Variants in CCDC141 observed in about 807,000 individuals in gnomAD.
CCDC141 encodes the protein coiled-coil domain containing 141, also known as coiled-coil domain-containing protein 141.
CCDC141 carries 168 observed loss-of-function variants against 181.0 expected under a neutral mutation model. The observed-to-expected ratio is 0.93, with a 90% confidence interval of 0.82 to 1.05. The LOEUF is 1.05. Among genes scored for constraint, CCDC141 ranks in the 50% least tolerant of loss-of-function variants. The pLI is 0.00. For missense variants in CCDC141, 1,902 were observed against 1,788.5 expected, an observed-to-expected ratio of 1.06 and a Z score of -1.14; for synonymous variants, 666 against 642.3, an observed-to-expected ratio of 1.04 and a Z score of -0.56.
chr2:179,034,923 T>C (rs1317785422), intron 2 of CCDC141, among the ~76,000 whole-genome samples: 1 of 152,224 alleles, frequency 6.6e-6, no homozygotes, highest in East Asian at 1.9e-4. Context: ...GATTTCCACG[T>C]AAATTGCAAA....
rs1001729151 is a variant in CCDC141, at chr2:179,049,690, TTAG to T, written c.102+147_102+149del. On this transcript the variant is annotated intron_variant, in intron 1 of 23. Transcript: ENST00000443758. ...CTGCTGAAACTTGTAGAGGTTTCTC[TTAG>T]TAGCCCATTTTAGAAAGCAGTAAGA... 107 of 710,316 alleles carry T rather than the reference TTAG, an allele frequency of 1.5e-4. No individual in the cohort carries two copies. The African/African-American group carries it at 1.8e-3, about 12-fold the overall frequency. 44.0% of individuals were successfully genotyped at this position (710,316 alleles called of 1,614,324 possible).
chr2:179,049,061 C>T (rs529182623), intron 1 of CCDC141, among the ~76,000 whole-genome samples: 1 of 152,102 alleles, frequency 6.6e-6, no homozygotes, highest in African/African-American at 2.4e-5. Flanking sequence ...CATCTAAAGC[C>T]CAAGCCTAGT....
chr2:178,827,209 C>G (rs563039755), downstream of CCDC141, among the ~76,000 whole-genome samples: 226 of 151,986 alleles, frequency 1.5e-3, 2 homozygotes, highest in Admixed American at 3.0e-3. Flanking sequence ...GGTCTGAAAA[C>G]CTGCTTTTGT....
chr2:178,911,550 T>C (rs1212599142), intron 7 of CCDC141, among the ~76,000 whole-genome samples: 2 of 152,226 alleles, frequency 1.3e-5, no homozygotes. Context: ...ACTCCAACTG[T>C]ATCCCAAAAA....
intron 2 of CCDC141, among the ~76,000 whole-genome samples, chr2:179,025,448 T>C (rs1413711750): frequency 1.3e-5 from 2 of 152,170 alleles, no homozygotes; most frequent in Non-Finnish European, 2.9e-5. Context: ...TTGCCCTGCA[T>C]AAGCTCTCTC....
chr2:178,985,622 T>A (rs1257064066), intron 2 of CCDC141, among the ~76,000 whole-genome samples: 1 of 151,758 alleles, frequency 6.6e-6, no homozygotes, highest in Non-Finnish European at 1.5e-5. Context: ...CAATAAAAAA[T>A]GATAAAGGGG....
intron 22 of CCDC141, among the ~76,000 whole-genome samples, chr2:178,843,770 G>T (rs558806607): frequency 3.3e-5 from 5 of 152,252 alleles, no homozygotes; most frequent in African/African-American, 1.2e-4. Context: ...CCCACATGGG[G>T]TTGTGGAGAA....
At chr2:179,042,316 G>C (rs372420759) in intron 2 of CCDC141, among the ~76,000 whole-genome samples, 5 of 152,114 alleles carry the variant, frequency 3.3e-5, no homozygotes, top group Admixed American at 3.3e-4. Context: ...GATGACTCTT[G>C]GGCAAATAAT....
intron 9 of CCDC141, among the ~76,000 whole-genome samples, chr2:178,887,826 G>A (rs773603893): frequency 4.6e-5 from 7 of 152,180 alleles, no homozygotes; most frequent in Middle Eastern, 3.2e-3. Context: ...GAAAATTTGA[G>A]ACCAAGCCTC....
intron 6 of CCDC141, 129 bp downstream of exon 6, chr2:178,944,405 AT>A (rs375663202): frequency 1.5e-5 from 7 of 454,308 alleles, no homozygotes; most frequent in South Asian, 5.8e-5. Context: ...TTATTGGGAT[AT>A]TTTTTTACAT....
At chr2:178,870,036 A>C (rs939005800) in intron 14 of CCDC141, among the ~76,000 whole-genome samples, 11 of 152,144 alleles carry the variant, frequency 7.2e-5, no homozygotes, top group African/African-American at 2.7e-4. Context: ...GTTCAAGACC[A>C]GCCTGGCCAA....
chr2:179,017,968 T>C (rs1460740538), intron 2 of CCDC141, among the ~76,000 whole-genome samples: 2 of 152,130 alleles, frequency 1.3e-5, no homozygotes, highest in African/African-American at 2.4e-5. Context: ...TATTTTGGAA[T>C]TGGATCTGAG....
chr2:178,985,958 C>T (rs530601090), intron 2 of CCDC141, among the ~76,000 whole-genome samples: 1 of 152,328 alleles, frequency 6.6e-6, no homozygotes, highest in South Asian at 2.1e-4. Context: ...TCCACCCTAA[C>T]TCATTTTATG....
intron 2 of CCDC141, among the ~76,000 whole-genome samples, chr2:178,985,742 A>G (rs1003217767): frequency 5.3e-5 from 8 of 152,202 alleles, no homozygotes; most frequent in African/African-American, 1.2e-4. Context: ...TCCTCGACAC[A>G]TACACTCTCC....
intron 17 of CCDC141, among the ~76,000 whole-genome samples, chr2:178,857,635 C>A (rs1345115860): frequency 6.6e-6 from 1 of 152,132 alleles, no homozygotes; most frequent in East Asian, 1.9e-4. Flanking sequence ...TATCGACAGG[C>A]AACTCTCTCT....
intron 2 of CCDC141, among the ~76,000 whole-genome samples, chr2:178,984,762 C>T (rs1484454054): frequency 6.6e-6 from 1 of 151,654 alleles, no homozygotes; most frequent in African/African-American, 2.4e-5. Context: ...ACAAGAAGAG[C>T]TAACTATCCT....
chr2:179,048,174 A>G (rs2043561230), intron 1 of CCDC141, among the ~76,000 whole-genome samples: 1 of 152,238 alleles, frequency 6.6e-6, no homozygotes, highest in Non-Finnish European at 1.5e-5. Flanking sequence ...ACGCATACGC[A>G]TGTAGATACC....
At chr2:178,971,105 G>A (rs1471484480) in intron 4 of CCDC141, among the ~76,000 whole-genome samples, 1 of 152,128 alleles carries the variant, frequency 6.6e-6, no homozygotes, top group African/African-American at 2.4e-5. Context: ...CTACTCGGGA[G>A]GCTGAGACAG....
intron 22 of CCDC141, among the ~76,000 whole-genome samples, chr2:178,842,574 G>A (rs900124081): frequency 1.3e-5 from 2 of 152,192 alleles, no homozygotes; most frequent in African/African-American, 2.4e-5. Flanking sequence ...ATTCAACTAA[G>A]TGGGCAGAAC....
Sources: allele counts gnomAD v4.1 joint callset (sites outside exome capture counted in the v4.1 genomes callset), GRCh38; gene constraint gnomAD v4.1.1; transcripts MANE v1.5; gene names NCBI Gene and HGNC (gene_info 2026-07-23, HGNC 2026-07-21).